The following CTBP2 variants were observed in gnomAD, a reference collection of about 807,000 sequenced individuals.
The protein encoded by CTBP2 is C-terminal-binding protein 2.
Under a neutral mutation model 80.3 loss-of-function variants are expected in CTBP2, and 30 were observed. The observed-to-expected ratio is 0.37, with a 90% CI of 0.28 to 0.51. The LOEUF is 0.51. Among genes scored for constraint, CTBP2 ranks in the 20% least tolerant of loss-of-function variants. The probability of loss-of-function intolerance (pLI) is 0.93; values close to 1 mark genes in which losing one functional copy is unlikely to be tolerated. For synonymous variants in CTBP2, 594 were observed against 587.4 expected, an observed-to-expected ratio of 1.01 and a Z score of -0.16; for missense variants, 1,212 against 1,375.3, an observed-to-expected ratio of 0.88 and a Z score of 1.88.
intron 2 of CTBP2, among the ~76,000 whole-genome samples, chr10:125,093,583 C>CA (rs1849101776): frequency 6.6e-6 from 1 of 152,198 alleles, no homozygotes; most frequent in Non-Finnish European, 1.5e-5. Flanking sequence ...CCTTCCTGCC[C>CA]ATCACCCAGG....
chr10:125,068,068 A>G (rs372912658), intron 2 of CTBP2, among the ~76,000 whole-genome samples: 3 of 152,290 alleles, frequency 2.0e-5, no homozygotes, highest in Admixed American at 6.5e-5. Context: ...ATGGGCCTCA[A>G]CTCAGCCCCA....
intron 3 of CTBP2, 22 bp from the exon 6 acceptor site, chr10:124,998,192 C>A: frequency 6.3e-7 from 1 of 1,584,628 alleles, no homozygotes; most frequent in East Asian, 2.3e-5. Flanking sequence ...GAGGCCAAGG[C>A]CGGAGATGAG....
In CTBP2 at chr10:124,986,201, A is replaced by C. The variant is rs1359138212; in HGVS notation, c.*3317T>G. The C allele has an allele frequency of 6.6e-6, 1 of 152,342 alleles. No individual in the cohort carries two copies. Among genetic ancestry groups the C allele is most frequent in the Non-Finnish European group, 1.5e-5 (1 of 67,932 alleles). The allele number at this position is 152,342 out of a possible 1,614,324, so 9.4% of individuals were successfully genotyped here. A position where few individuals can be genotyped will look rare whatever the true frequency, so the allele number is the denominator to read the frequency against. On this transcript the variant is annotated 3_prime_UTR_variant, in exon 9 of 9. Coordinates refer to ENST00000309035, the MANE Select transcript of CTBP2 (RefSeq NM_022802.3). ...TAAAAATTTCAGACCTATCTCAGGA[A>C]CACAGAAATATTTGGTGTCCTGATA...
Position 125,156,550 on chromosome 10 carries a change from G to A in CTBP2, c.-206+3769C>T, listed in dbSNP as rs765461395. Among the ~76,000 whole-genome samples the A allele has an allele frequency of 8.5e-5, 13 of 152,212 alleles. 1 individual carries two copies. In the South Asian group the frequency reaches 1.7e-3, roughly 19 times the overall value. On this transcript the variant is annotated intron_variant, in intron 1 of 10. Transcript: ENST00000337195. Reference sequence around the variant, plus strand: ...TCCCTCACTCAGAGGTGTCCTTTTCGGTTTTTTTTCAATCCGTGAATCTCA... The same window carrying A: ...TCCCTCACTCAGAGGTGTCCTTTTCAGTTTTTTTTCAATCCGTGAATCTCA...
In CTBP2 at chr10:125,102,839, G is replaced by A. The variant is rs577184462; in HGVS notation, c.-102+8151C>T. Reference sequence around the variant, plus strand: ...CTGAGCTTTGTCTCGAGGGACCCAGGCCTACAGGACTTGCAGAGCCAGTGG... The same window carrying A: ...CTGAGCTTTGTCTCGAGGGACCCAGACCTACAGGACTTGCAGAGCCAGTGG... On this transcript the variant is annotated intron_variant, in intron 2 of 10. Coordinates refer to the CTBP2 transcript ENST00000337195. Among the ~76,000 whole-genome samples, 230 of 152,318 alleles carry A rather than the reference G, an allele frequency of 1.5e-3. 1 individual carries two copies. The highest frequency in any genetic ancestry group is 5.4e-3 in the African/African-American group (226 of 41,568).
intron 1 of CTBP2, among the ~76,000 whole-genome samples, chr10:125,019,792 G>A (rs567031166): frequency 1.3e-5 from 2 of 152,234 alleles, no homozygotes; most frequent in African/African-American, 4.8e-5. Flanking sequence ...AAGCAAATAC[G>A]TAAGACTCCA....
At chr10:124,990,091 A>G (rs943860229) in intron 8 of CTBP2, among the ~76,000 whole-genome samples, 2 of 144,144 alleles carry the variant, frequency 1.4e-5, no homozygotes, top group Middle Eastern at 3.9e-3. Context: ...GCCAGTCTGG[A>G]GTGCAGTGGC....
intron 8 of CTBP2, among the ~76,000 whole-genome samples, chr10:124,991,117 G>A (rs998133452): frequency 2.0e-5 from 3 of 152,262 alleles, no homozygotes; most frequent in South Asian, 2.1e-4. Flanking sequence ...TTGCAAGCAC[G>A]AAGTGCTGTG....
chr10:125,046,525 G>C (rs888627275), intron 2 of CTBP2, among the ~76,000 whole-genome samples: 2 of 114,382 alleles, frequency 1.7e-5, no homozygotes, highest in Admixed American at 1.1e-4. Flanking sequence ...GTGACAGAGT[G>C]AGACTCTATC....
In CTBP2 at chr10:125,066,460, C is replaced by T. The variant is rs1030294385; in HGVS notation, c.-101-27305G>A. Among the ~76,000 whole-genome samples, 3 of 152,120 alleles carry T rather than the reference C, an allele frequency of 2.0e-5. No individual in the cohort carries two copies. Among genetic ancestry groups the T allele is most frequent in the African/African-American group, 4.8e-5 (2 of 41,424 alleles). On this transcript the variant is annotated intron_variant, in intron 2 of 10. Coordinates refer to the CTBP2 transcript ENST00000337195. The surrounding 1 kb of genome is among the most constrained non-coding windows in gnomAD (Gnocchi z 4.1). ...AGGCAAGCAGGGTGCGCAGATGTAACGGGGGAAGCAGGCACGGCCAAGCAC... is the reference window on the plus strand; with the variant it reads ...AGGCAAGCAGGGTGCGCAGATGTAATGGGGGAAGCAGGCACGGCCAAGCAC...
rs529519086 is a variant in CTBP2 at position 125,006,058 on chromosome 10, G to A, written c.1679-2566C>T. ...TCATCAGTGCATGGATCCGTTACCA[G>A]GGTAACAAACTCCAGGTTGCCTAGC... On this transcript the variant is annotated intron_variant, in intron 1 of 8. Coordinates refer to ENST00000309035, the MANE Select transcript of CTBP2 (RefSeq NM_022802.3). 95 of 1,327,854 alleles carry A rather than the reference G, an allele frequency of 7.2e-5. No individual in the cohort carries two copies. The African/African-American group carries it at 1.3e-3, about 18-fold the overall frequency. The allele number at this position is 1,327,854 out of a possible 1,614,324, so 82.3% of individuals were successfully genotyped here.
At chr10:124,994,916 A>G (rs10901849) in intron 4 of CTBP2, among the ~76,000 whole-genome samples, 54,941 of 152,204 alleles carry the variant, frequency 0.36, 10,251 homozygotes, top group Admixed American at 0.41. Flanking sequence ...TATTGGGTAC[A>G]GCAGGATTTT....
intron 2 of CTBP2, among the ~76,000 whole-genome samples, chr10:125,103,641 A>G (rs1400132038): frequency 6.6e-6 from 1 of 152,154 alleles, no homozygotes; most frequent in African/African-American, 2.4e-5. Context: ...CAGAAGAGAC[A>G]AAGTGGCCTC....
chr10:125,145,233 G>A (rs1041768177), intron 1 of CTBP2, among the ~76,000 whole-genome samples: 7 of 152,116 alleles, frequency 4.6e-5, no homozygotes, highest in Admixed American at 1.3e-4. Flanking sequence ...TGGCAGTTTC[G>A]GGCTGGCTGC....
chr10:125,074,876 G>A (rs1846050483), intron 2 of CTBP2, among the ~76,000 whole-genome samples: 1 of 152,208 alleles, frequency 6.6e-6, no homozygotes, highest in South Asian at 2.1e-4. Context: ...TGAGATGGCA[G>A]CTCAATGGCA....
At chr10:125,000,038 C>CG (rs1006652963) in intron 3 of CTBP2, 1 of 152,262 alleles carries the variant, frequency 6.6e-6, no homozygotes, top group African/African-American at 2.4e-5. Flanking sequence ...TAAAGGCACC[C>CG]GGGTGGGTGG....
Position 125,053,173 on chromosome 10 carries a change from C to T in CTBP2, c.-101-14018G>A, listed in dbSNP as rs138070191. Among the ~76,000 whole-genome samples the T allele has an allele frequency of 3.8e-3, 574 of 152,270 alleles. 6 individuals carry two copies. The highest frequency in any genetic ancestry group is 0.013 in the African/African-American group (560 of 41,554). ...ACGGGGCCACCGAAGCCAAGGCTGC[C>T]CCTCAGGGCAGGTGCAGCATTCTCC... is the stretch of plus-strand genomic sequence containing the variant. On this transcript the variant is annotated intron_variant, in intron 2 of 10. Coordinates refer to the CTBP2 transcript ENST00000337195.
chr10:125,042,429 T>C (rs571710225), intron 2 of CTBP2, among the ~76,000 whole-genome samples: 3 of 152,296 alleles, frequency 2.0e-5, no homozygotes, highest in South Asian at 4.1e-4. Context: ...AAATCAATTT[T>C]TCCCCCCTAA....
At chr10:125,088,745 C>A (rs1483073568) in intron 2 of CTBP2, among the ~76,000 whole-genome samples, 1 of 152,170 alleles carries the variant, frequency 6.6e-6, no homozygotes, top group African/African-American at 2.4e-5. Flanking sequence ...TGTTAACGGG[C>A]ATACAAAAAG....
Sources: allele counts gnomAD v4.1 joint callset (sites outside exome capture counted in the v4.1 genomes callset), GRCh38; gene constraint gnomAD v4.1.1; non-coding constraint Gnocchi (gnomAD v3.1); transcripts MANE v1.5; gene names NCBI Gene and HGNC (gene_info 2026-07-23, HGNC 2026-07-21).